Variants in LHFPL3 observed in about 807,000 individuals in gnomAD.
The protein encoded by LHFPL3 is LHFPL tetraspan subfamily member 3 protein.
LHFPL3 carries 5 observed loss-of-function variants against 19.3 expected under a neutral mutation model. That is an observed-to-expected ratio of 0.26 (90% CI 0.14 to 0.54). The LOEUF (loss-of-function observed/expected upper bound fraction) is 0.54, where lower values mean the gene tolerates loss of function less well. LHFPL3 is among the 20% of genes least tolerant of loss of function. The probability of loss-of-function intolerance (pLI) is 0.94; values close to 1 mark genes in which losing one functional copy is unlikely to be tolerated. For synonymous variants in LHFPL3, 133 were observed against 126.2 expected, an observed-to-expected ratio of 1.05 and a Z score of -0.36; for missense variants, 249 against 307.4, an observed-to-expected ratio of 0.81 and a Z score of 1.42.
At chr7:104,661,655 C>G (rs780205916) in intron 1 of LHFPL3, among the ~76,000 whole-genome samples, 1 of 152,166 alleles carries the variant, frequency 6.6e-6, no homozygotes, top group Non-Finnish European at 1.5e-5. Context: ...TTTGCAAGAC[C>G]CCCAAAGGTT....
At chr7:104,730,921 T>C (rs905314566) in intron 1 of LHFPL3, among the ~76,000 whole-genome samples, 1 of 152,200 alleles carries the variant, frequency 6.6e-6, no homozygotes, top group Non-Finnish European at 1.5e-5. Flanking sequence ...TTAATTTTTG[T>C]ATAAGGTGTA....
chr7:104,761,625 T>G (rs1286394948), intron 2 of LHFPL3, among the ~76,000 whole-genome samples: 2 of 152,188 alleles, frequency 1.3e-5, no homozygotes, highest in South Asian at 4.1e-4. Flanking sequence ...AGTAGATTCC[T>G]AGAGTTCTCT....
intron 1 of LHFPL3, among the ~76,000 whole-genome samples, chr7:104,441,100 G>A (rs1792216289): frequency 6.6e-6 from 1 of 152,052 alleles, no homozygotes; most frequent in Non-Finnish European, 1.5e-5. Context: ...TTATACCATA[G>A]TGTTAAATAT....
intron 1 of LHFPL3, among the ~76,000 whole-genome samples, chr7:104,483,348 G>A (rs59252216): frequency 0.043 from 6,588 of 152,206 alleles, 302 homozygotes; most frequent in African/African-American, 0.13. Flanking sequence ...AAGCACTATG[G>A]CTGCTATTCT....
chr7:104,560,757 C>A (rs1190700109), intron 1 of LHFPL3, among the ~76,000 whole-genome samples: 1 of 145,700 alleles, frequency 6.9e-6, no homozygotes, highest in Admixed American at 6.8e-5. Flanking sequence ...TTTTCTAGTT[C>A]TTTTAATTGT....
intron 1 of LHFPL3, among the ~76,000 whole-genome samples, chr7:104,597,492 G>A (rs1006470310): frequency 6.6e-6 from 1 of 152,018 alleles, no homozygotes; most frequent in Non-Finnish European, 1.5e-5. Flanking sequence ...AATGCTTATT[G>A]TTCTTACTAT....
intron 1 of LHFPL3, chr7:104,669,497 A>G: frequency 6.2e-7 from 1 of 1,612,128 alleles, no homozygotes; most frequent in African/African-American, 1.3e-5. Context: ...CCAGCTTCCA[A>G]GTTCAGTTCT....
chr7:104,525,920 A>G (rs1794179225), intron 1 of LHFPL3, among the ~76,000 whole-genome samples: 1 of 150,536 alleles, frequency 6.6e-6, no homozygotes, highest in African/African-American at 2.4e-5. Context: ...TCTTCTTTTG[A>G]CTCTGCTTAT....
rs1054158530 is a variant in LHFPL3 at position 104,498,468 on chromosome 7, T to C, written c.445+169244T>C. 2.0e-5 allele frequency among the ~76,000 whole-genome samples: 3 copies of C among 151,928 alleles called. No individual in the cohort carries two copies. The East Asian group carries it at 5.8e-4, about 29-fold the overall frequency. ...AGTCCTTATTTGTTGCATTCACATA[T>C]ACTTTACCTGCTGTACATGGAAGCA... On this transcript the variant is annotated intron_variant, in intron 1 of 2. Coordinates refer to ENST00000424859, the MANE Select transcript of LHFPL3 (RefSeq NM_199000.3).
At chr7:104,354,403 G>A (rs1189929952) in intron 1 of LHFPL3, among the ~76,000 whole-genome samples, 2 of 152,148 alleles carry the variant, frequency 1.3e-5, no homozygotes, top group African/African-American at 2.4e-5. Context: ...GGAATTGCTG[G>A]ACCATAGGGC....
chr7:104,719,526 T>A (rs548317246), intron 1 of LHFPL3, among the ~76,000 whole-genome samples: 23 of 152,338 alleles, frequency 1.5e-4, no homozygotes, highest in African/African-American at 5.5e-4. Context: ...TTAGCATTTA[T>A]AATTATTCTA....
rs113727170 is a variant in LHFPL3, at chr7:104,735,948, T to G, written c.446-727T>G. Among the ~76,000 whole-genome samples the G allele has an allele frequency of 4.7e-4, 71 of 152,350 alleles. 1 individual carries two copies. The highest frequency in any genetic ancestry group is 1.7e-3 in the African/African-American group (70 of 41,576). The stretch of plus-strand genomic sequence containing the variant: ...CTGTAATAACATGGGAGTTCAGATA[T>G]CTCTTTGACATACTAATTTTATTTC... On this transcript the variant is annotated intron_variant, in intron 1 of 2. Transcript: ENST00000424859.
At position 104,662,415 on chromosome 7, in the gene LHFPL3, T is replaced by C. The variant is rs367675044; in HGVS notation, c.446-74260T>C. 5.9e-5 allele frequency among the ~76,000 whole-genome samples: 9 copies of C among 152,346 alleles called. No individual in the cohort carries two copies. The South Asian group carries it at 6.2e-4, about 11-fold the overall frequency. On this transcript the variant is annotated intron_variant, in intron 1 of 2. Transcript: ENST00000424859. Reference sequence around the variant, plus strand: ...CCCAAGGACCCAAGTATGCAAGTGCTATTATTATTAATTTCCATTTTGCAG... The same window carrying C: ...CCCAAGGACCCAAGTATGCAAGTGCCATTATTATTAATTTCCATTTTGCAG...
At chr7:104,449,405 T>G (rs1792388696) in intron 1 of LHFPL3, among the ~76,000 whole-genome samples, 1 of 152,180 alleles carries the variant, frequency 6.6e-6, no homozygotes, top group African/African-American at 2.4e-5. Context: ...GCAATCTGAG[T>G]ATACTGAGCC....
chr7:104,386,990 T>C (rs1790959999), intron 1 of LHFPL3, among the ~76,000 whole-genome samples: 1 of 152,028 alleles, frequency 6.6e-6, no homozygotes, highest in South Asian at 2.1e-4. Flanking sequence ...GTCTGGCCCA[T>C]ACACAGAAGA....
chr7:104,869,304 C>T (rs1302248625), intron 2 of LHFPL3, among the ~76,000 whole-genome samples: 4 of 152,176 alleles, frequency 2.6e-5, no homozygotes, highest in Non-Finnish European at 5.9e-5. Flanking sequence ...AAACAGGGAA[C>T]CTACAGAATG....
intron 2 of LHFPL3, among the ~76,000 whole-genome samples, chr7:104,753,592 T>C (rs935189006): frequency 2.6e-5 from 4 of 152,100 alleles, no homozygotes; most frequent in Admixed American, 6.5e-5. Flanking sequence ...ATAGGACTTC[T>C]GTTCATGAGA....
intron 2 of LHFPL3, among the ~76,000 whole-genome samples, chr7:104,857,799 G>A (rs544650853): frequency 5.3e-5 from 8 of 152,232 alleles, no homozygotes; most frequent in African/African-American, 1.9e-4. Context: ...AAAATTTACT[G>A]AGCTCCCAAA....
rs1793200720 is a variant in LHFPL3 at position 104,484,483 on chromosome 7, T to G, written c.445+155259T>G. Among the ~76,000 whole-genome samples, 3 of 152,234 alleles carry G rather than the reference T, an allele frequency of 2.0e-5. No homozygotes were observed. In the South Asian group the frequency reaches 6.2e-4, roughly 32 times the overall value. ...CCTTCTCAAAAATCAATGGGGTATG[T>G]TTTCTGTTGAGCTCCTTGGCTTCTC... On this transcript the variant is annotated intron_variant, in intron 1 of 2. Coordinates refer to ENST00000424859, the MANE Select transcript of LHFPL3 (RefSeq NM_199000.3).
Sources: gnomAD v4.1 joint callset for allele counts (sites outside exome capture counted in the v4.1 genomes callset) on GRCh38, gnomAD v4.1.1 for gene constraint, MANE v1.5 for transcripts, NCBI Gene and HGNC (gene_info 2026-07-23, HGNC 2026-07-21) for gene names.